Variants in ARMCX4 observed in about 807,000 individuals in gnomAD.
ARMCX4 encodes the protein armadillo repeat containing X-linked 4.
Under a neutral mutation model 34.7 loss-of-function variants are expected in ARMCX4, and 3 were observed. That is an observed-to-expected ratio of 0.09 (90% CI 0.04 to 0.22). The LOEUF (loss-of-function observed/expected upper bound fraction) is 0.22. Ranked by LOEUF, ARMCX4 falls within the 10% of genes least tolerant of loss-of-function variation. ARMCX4 has a pLI of 1.00. For missense variants in ARMCX4, 1,448 were observed against 1,720.8 expected, an observed-to-expected ratio of 0.84 and a Z score of 2.81; for synonymous variants, 513 against 632.8, an observed-to-expected ratio of 0.81 and a Z score of 2.84.
At chrX:101,518,036 T>A (rs1235693206) in intron 11 of ARMCX4, among the ~76,000 whole-genome samples, 4 of 111,665 alleles carry the variant, frequency 3.6e-5, no homozygotes, top group Non-Finnish European at 5.7e-5. Context: ...AGGTAATTTT[T>A]AAAGAGAAAA....
At chrX:101,524,364 A>C (rs1556019866) in intron 11 of ARMCX4, 2 of 112,043 alleles carry the variant, frequency 1.8e-5, no homozygotes, top group African/African-American at 6.5e-5. Context: ...CCAAATAGGA[A>C]CAGCTCCGGT....
chrX:101,418,854 T>C lies in ARMCX4; in HGVS notation n.74-56T>C, dbSNP rs138931438. ...GCGCTCAATACATGTTTATTTTCAG[T>C]TGAGTGTTGCTTCAGCTTTTATGGC... On this transcript the variant is annotated intron_variant and non_coding_transcript_variant, in intron 1 of 3. Transcript: ENST00000430461. 353 of 107,808 alleles carry C rather than the reference T, an allele frequency of 3.3e-3. 3 individuals are homozygous for C. Among genetic ancestry groups the C allele is most frequent in the African/African-American group, 0.011 (330 of 29,481 alleles). The allele number at this position is 107,808 out of a possible 1,213,427, so 8.9% of individuals were successfully genotyped here. A position where few individuals can be genotyped will look rare whatever the true frequency, so the allele number is the denominator to read the frequency against.
intron 2 of ARMCX4, among the ~76,000 whole-genome samples, chrX:101,423,215 T>C (rs889829060): frequency 4.3e-4 from 47 of 110,169 alleles, no homozygotes; most frequent in African/African-American, 1.5e-3. Flanking sequence ...CATGGGGCAA[T>C]TAAATTTTAA....
chrX:101,426,720 AC>A (rs1379770889), intron 2 of ARMCX4, among the ~76,000 whole-genome samples: 1 of 110,841 alleles, frequency 9.0e-6, no homozygotes, highest in African/African-American at 3.3e-5. Flanking sequence ...TATTATTATC[AC>A]CCCCTTGTCA....
Position 101,495,621 on chromosome X carries a change from T to TA in ARMCX4, c.*164dup. On this transcript the variant is annotated 3_prime_UTR_variant, in exon 6 of 6. Coordinates refer to ENST00000423738, the MANE Select transcript of ARMCX4 (RefSeq NM_001256155.3). Reference sequence around the variant, plus strand: ...ACACCAAATGAATTCAAGCTTGTACTAAAAATACATGTGTTGATTTTTATC... The same window carrying TA: ...ACACCAAATGAATTCAAGCTTGTACTAAAAAATACATGTGTTGATTTTTATC... 1 of 454,574 alleles carries TA rather than the reference T, an allele frequency of 2.2e-6. No homozygotes were observed. 37.5% of individuals were successfully genotyped at this position (454,574 alleles called of 1,213,427 possible).
exon 3 of ARMCX4, chrX:101,444,145 T>C: frequency 7.2e-6 from 2 of 277,425 alleles, no homozygotes; most frequent in South Asian, 8.6e-5. Context: ...GTGGCGATGT[T>C]GAAGAACATG....
rs782102009 is a variant in ARMCX4, at chrX:101,425,560, A to AT, written n.164+6566dup. Among the ~76,000 whole-genome samples, 18 of 109,368 alleles carry AT rather than the reference A, an allele frequency of 1.6e-4. No homozygotes were observed. The East Asian group carries it at 4.9e-3, about 30-fold the overall frequency. 95.0% of individuals were successfully genotyped at this position (109,368 alleles called of 115,157 possible). On this transcript the variant is annotated intron_variant and non_coding_transcript_variant, in intron 2 of 3. Coordinates refer to the ARMCX4 transcript ENST00000430461. ...AGGCGCACACCACCATGCCCGACTA[A>AT]TTTTTTGTATTTTTAGTAGAAACGG... is the stretch of plus-strand genomic sequence containing the variant.
At chrX:101,444,003 A>G in intron 2 of ARMCX4, 1 of 379,518 alleles carries the variant, frequency 2.6e-6, no homozygotes, top group Non-Finnish European at 5.1e-6. Flanking sequence ...AAACTCTGGG[A>G]TAATTCTGTG....
At chrX:101,441,206 C>T (rs1443668343) in intron 2 of ARMCX4, among the ~76,000 whole-genome samples, 1 of 111,084 alleles carries the variant, frequency 9.0e-6, no homozygotes, top group East Asian at 2.8e-4. Context: ...ATGCTCTCAA[C>T]AATATTGTGA....
At chrX:101,484,242 C>G (rs1603205218), upstream of ARMCX4, among the ~76,000 whole-genome samples, 1 of 111,387 alleles carries the variant, frequency 9.0e-6, no homozygotes, top group East Asian at 2.8e-4. Flanking sequence ...TGAACACTCG[C>G]CACTGCTAGG....
chrX:101,512,775 T>C (rs782103414), intron 11 of ARMCX4, among the ~76,000 whole-genome samples: 29 of 104,704 alleles, frequency 2.8e-4, no homozygotes, highest in Admixed American at 1.7e-3. Context: ...TATACACACA[T>C]ATATATATAC....
exon 2 of ARMCX4, chrX:101,418,940 G>A (rs1555989603): frequency 9.0e-6 from 1 of 110,544 alleles, no homozygotes; most frequent in Non-Finnish European, 1.9e-5. Context: ...ATCAAGGACA[G>A]ACAGCTCACC....
At chrX:101,426,035 C>G (rs1929601643) in intron 2 of ARMCX4, among the ~76,000 whole-genome samples, 1 of 110,411 alleles carries the variant, frequency 9.1e-6, no homozygotes, top group African/African-American at 3.3e-5. Flanking sequence ...GTTACCCAGT[C>G]TGGTCTCGAA....
chrX:101,443,716 G>C (rs1251963808), intron 2 of ARMCX4: 3 of 268,365 alleles, frequency 1.1e-5, no homozygotes, highest in Non-Finnish European at 2.1e-5. Flanking sequence ...AATAGTTCTT[G>C]TCGGTCTTGC....
At chrX:101,453,827 A>T (rs1932121518) in intron 4 of ARMCX4, among the ~76,000 whole-genome samples, 1 of 110,590 alleles carries the variant, frequency 9.0e-6, no homozygotes, top group African/African-American at 3.3e-5. Context: ...GATGTTAATT[A>T]TAAGAGGATG....
chrX:101,448,945 T>G (rs1487998100), downstream of ARMCX4, among the ~76,000 whole-genome samples: 1 of 96,970 alleles, frequency 1.0e-5, no homozygotes, highest in African/African-American at 3.8e-5. Context: ...AGAGTCTTGC[T>G]CTGTCACCCA....
At chrX:101,475,769 T>A (rs1933159583) in intron 4 of ARMCX4, among the ~76,000 whole-genome samples, 1 of 111,683 alleles carries the variant, frequency 9.0e-6, no homozygotes, top group Non-Finnish European at 1.9e-5. Flanking sequence ...AGAAGGACGC[T>A]TATTATTAAG....
intron 4 of ARMCX4, among the ~76,000 whole-genome samples, chrX:101,477,357 G>C (rs1329565567): frequency 1.1e-5 from 1 of 91,120 alleles, no homozygotes. Context: ...TGAAAATCAC[G>C]TGAACGGAGG....
intron 4 of ARMCX4, among the ~76,000 whole-genome samples, chrX:101,465,345 G>T (rs980036833): frequency 4.5e-5 from 5 of 111,541 alleles, no homozygotes; most frequent in African/African-American, 9.7e-5. Context: ...GATGGAAAAA[G>T]ATATGCCATG....
Sources: gnomAD v4.1 joint callset for allele counts (sites outside exome capture counted in the v4.1 genomes callset) on GRCh38, gnomAD v4.1.1 for gene constraint, MANE v1.5 for transcripts, NCBI Gene and HGNC (gene_info 2026-07-23, HGNC 2026-07-21) for gene names.